SHROOM4: variants seen among roughly 807,000 people sequenced by gnomAD.
The protein encoded by SHROOM4 is shroom family member 4, also known as protein Shroom4.
A neutral mutation model predicts 80.3 loss-of-function variants in SHROOM4; 17 were observed. The ratio of observed to expected loss-of-function variants is 0.21; its 90% CI spans 0.14 to 0.32. The LOEUF is 0.32. Among genes scored for constraint, SHROOM4 ranks in the 10% least tolerant of loss-of-function variants. The pLI is 1.00. For synonymous variants in SHROOM4, 400 were observed against 437.5 expected (o/e 0.91, Z 1.07); for missense variants, 993 against 1,140.3 (o/e 0.87, Z 1.86).
chrX:50,722,062 G>A (rs781823462), intron 1 of SHROOM4, among the ~76,000 whole-genome samples: 7 of 111,464 alleles, frequency 6.3e-5, no homozygotes, highest in African/African-American at 1.6e-4. Flanking sequence ...AATCCTACAG[G>A]ATTGTTTTCT....
chrX:50,788,789 A>G (rs190038346), intron 1 of SHROOM4, among the ~76,000 whole-genome samples: 1 of 111,636 alleles, frequency 9.0e-6, no homozygotes, highest in Non-Finnish European at 1.9e-5. Context: ...AGATTCACTT[A>G]AGTTTTAAGG....
intron 2 of SHROOM4, among the ~76,000 whole-genome samples, chrX:50,692,466 C>T (rs1933245434): frequency 8.9e-6 from 1 of 111,784 alleles, no homozygotes; most frequent in Non-Finnish European, 1.9e-5. Flanking sequence ...TCACTGACAA[C>T]CCATTATGTG....
At chrX:50,793,250 G>C (rs1381213030) in intron 1 of SHROOM4, among the ~76,000 whole-genome samples, 2 of 110,351 alleles carry the variant, frequency 1.8e-5, no homozygotes, top group African/African-American at 6.6e-5. Flanking sequence ...CTCAGAAGCA[G>C]AGAGTAGAAT....
chrX:50,624,246 T>C (rs782651996), intron 5 of SHROOM4, among the ~76,000 whole-genome samples: 4 of 112,090 alleles, frequency 3.6e-5, no homozygotes, highest in East Asian at 5.6e-4. Context: ...CACCATGCCA[T>C]CTATTTTCTA....
chrX:50,687,090 G>A (rs1260258664), intron 2 of SHROOM4: 1 of 111,346 alleles, frequency 9.0e-6, no homozygotes, highest in Non-Finnish European at 1.9e-5. Flanking sequence ...TGTAGACTAC[G>A]ATGGTTCTCT....
chrX:50,662,981 T>C (rs1315322669), intron 2 of SHROOM4, among the ~76,000 whole-genome samples: 1 of 111,137 alleles, frequency 9.0e-6, no homozygotes, highest in Non-Finnish European at 1.9e-5. Flanking sequence ...GGAAAAGAAA[T>C]TGGTAGTTGG....
intron 1 of SHROOM4, among the ~76,000 whole-genome samples, chrX:50,761,328 C>A (rs1304833119): frequency 3.6e-5 from 4 of 111,733 alleles, no homozygotes; most frequent in African/African-American, 1.3e-4. Context: ...AGGATAATAG[C>A]CTCCAGCTCC....
chrX:50,713,781 T>G (rs782773728), intron 1 of SHROOM4, among the ~76,000 whole-genome samples: 1 of 112,390 alleles, frequency 8.9e-6, no homozygotes, highest in South Asian at 3.7e-4. Flanking sequence ...TCTTCACTGT[T>G]TATTGCTTCC....
intron 1 of SHROOM4, among the ~76,000 whole-genome samples, chrX:50,791,512 C>T (rs1174772436): frequency 2.9e-5 from 3 of 104,405 alleles, no homozygotes; most frequent in Non-Finnish European, 5.8e-5. Context: ...TGCCCAGGCT[C>T]AAGTAATCCT....
At chrX:50,747,446 C>T (rs1295407867) in intron 1 of SHROOM4, among the ~76,000 whole-genome samples, 2 of 111,953 alleles carry the variant, frequency 1.8e-5, no homozygotes, top group Non-Finnish European at 3.8e-5. Context: ...TACATGACAG[C>T]GAACCACAAA....
intron 1 of SHROOM4, among the ~76,000 whole-genome samples, chrX:50,744,615 ATATTGCC>A (rs1238555673): frequency 2.9e-4 from 32 of 111,861 alleles, no homozygotes; most frequent in African/African-American, 9.7e-4. Flanking sequence ...AAGGTGATTT[ATATTGCC>A]TATTTCCTGT....
intron 5 of SHROOM4, among the ~76,000 whole-genome samples, chrX:50,615,032 A>G (rs1242226927): frequency 2.7e-5 from 3 of 111,783 alleles, no homozygotes; most frequent in Admixed American, 1.9e-4. Flanking sequence ...GGAAGGATAC[A>G]CAACAAATTG....
chrX:50,805,596 T>C (rs1383647532), intron 1 of SHROOM4, among the ~76,000 whole-genome samples: 2 of 111,381 alleles, frequency 1.8e-5, no homozygotes, highest in Non-Finnish European at 3.8e-5. Flanking sequence ...AGTAGGAGTG[T>C]GGAGAAAAGC....
intron 1 of SHROOM4, among the ~76,000 whole-genome samples, chrX:50,780,934 G>C (rs1272247722): frequency 2.7e-5 from 3 of 111,339 alleles, no homozygotes; most frequent in Non-Finnish European, 3.8e-5. Flanking sequence ...TGTAAGCTGG[G>C]GGGAAAGCCA....
chrX:50,631,437 C>T (rs1231489400), intron 4 of SHROOM4, among the ~76,000 whole-genome samples: 4 of 111,907 alleles, frequency 3.6e-5, no homozygotes, highest in Non-Finnish European at 7.5e-5. Context: ...TAACATCAAA[C>T]TTTATAGTCA....
chrX:50,580,232 T>C, the SHROOM4 span, among the ~76,000 whole-genome samples: 1 of 112,104 alleles, frequency 8.9e-6, no homozygotes, highest in Non-Finnish European at 1.9e-5. Flanking sequence ...TACATCAGAA[T>C]CAGCTAGAGG....
At chrX:50,719,446 A>G in intron 1 of SHROOM4, among the ~76,000 whole-genome samples, 1 of 111,824 alleles carries the variant, frequency 8.9e-6, no homozygotes, top group East Asian at 2.8e-4. Context: ...TTTATCCTCC[A>G]AGTCCTTGCT....
chrX:50,636,533 A>G (rs1430705627), intron 3 of SHROOM4, among the ~76,000 whole-genome samples: 1 of 110,916 alleles, frequency 9.0e-6, no homozygotes, highest in Non-Finnish European at 1.9e-5. Context: ...TTCCGGGGGT[A>G]CACGTACAGG....
chrX:50,736,054 C>G (rs1319770421), intron 1 of SHROOM4, among the ~76,000 whole-genome samples: 1 of 108,154 alleles, frequency 9.2e-6, no homozygotes, highest in African/African-American at 3.4e-5. Flanking sequence ...AATTAGCCAT[C>G]GGGGGAAAAT....
Sources: allele counts gnomAD v4.1 joint callset (sites outside exome capture counted in the v4.1 genomes callset), GRCh38; gene constraint gnomAD v4.1.1; transcripts MANE v1.5; gene names NCBI Gene and HGNC (gene_info 2026-07-23, HGNC 2026-07-21).